The following BCL2 variants were observed in gnomAD, a reference collection of about 807,000 sequenced individuals.
The protein encoded by BCL2 is apoptosis regulator Bcl-2.
A neutral mutation model predicts 14.2 loss-of-function variants in BCL2; 1 was observed. The observed-to-expected ratio is 0.07, with a 90% CI of 0.02 to 0.33. BCL2 has a LOEUF of 0.33. Among genes scored for constraint, BCL2 ranks in the 10% least tolerant of loss-of-function variants. The pLI, the probability that BCL2 is intolerant of heterozygous loss-of-function variation, is 0.99. For missense variants in BCL2, 247 were observed against 305.9 expected (o/e 0.81, Z 1.44); for synonymous variants, 151 against 137.2 (o/e 1.10, Z -0.70).
chr18:63,219,929 C>A (rs1480406043), intron 2 of BCL2, among the ~76,000 whole-genome samples: 1 of 152,136 alleles, frequency 6.6e-6, no homozygotes, highest in African/African-American at 2.4e-5. Context: ...TCAAAATGCA[C>A]CCAAGAAAAG....
chr18:63,299,997 T>G (rs556182176), intron 2 of BCL2, among the ~76,000 whole-genome samples: 1 of 152,100 alleles, frequency 6.6e-6, no homozygotes, highest in African/African-American at 2.4e-5. Context: ...AGAAACCCAG[T>G]AGGCACAAAG....
At chr18:63,170,573 TG>T in intron 2 of BCL2, among the ~76,000 whole-genome samples, 1 of 152,134 alleles carries the variant, frequency 6.6e-6, no homozygotes, top group Non-Finnish European at 1.5e-5. Context: ...ACTAACACTG[TG>T]AGATGCAAGT....
chr18:63,229,647 G>A (rs905977633), intron 2 of BCL2, among the ~76,000 whole-genome samples: 2 of 152,280 alleles, frequency 1.3e-5, no homozygotes, highest in East Asian at 1.9e-4. Flanking sequence ...CTTCTGCTAC[G>A]AGTAAAAGCT....
intron 2 of BCL2, among the ~76,000 whole-genome samples, chr18:63,160,823 C>G (rs910888994): frequency 6.6e-6 from 1 of 152,014 alleles, no homozygotes; most frequent in Admixed American, 6.5e-5. Flanking sequence ...GGTAAGGGTA[C>G]CCCTGCTCCA....
intron 2 of BCL2, among the ~76,000 whole-genome samples, chr18:63,159,248 C>T (rs1288192338): frequency 6.6e-6 from 1 of 152,158 alleles, no homozygotes; most frequent in Non-Finnish European, 1.5e-5. Flanking sequence ...AGCAAACCTG[C>T]AGGAATTTCC....
At chr18:63,302,371 C>T in intron 2 of BCL2, 1 of 984,896 alleles carries the variant, frequency 1.0e-6, no homozygotes, top group Non-Finnish European at 1.2e-6. Flanking sequence ...TTCAGTTCAA[C>T]TAACACAGAG....
chr18:63,178,304 A>G (rs1210014622), intron 2 of BCL2, among the ~76,000 whole-genome samples: 1 of 152,174 alleles, frequency 6.6e-6, no homozygotes. Flanking sequence ...AAGGCTCGTA[A>G]CTGTTGTTTA....
At chr18:63,241,032 C>A (rs1910987141) in intron 2 of BCL2, among the ~76,000 whole-genome samples, 1 of 152,232 alleles carries the variant, frequency 6.6e-6, no homozygotes, top group Non-Finnish European at 1.5e-5. Context: ...TGGTCTCTAT[C>A]ATAATTACTC....
At chr18:63,250,542 G>A (rs2156192) in intron 2 of BCL2, among the ~76,000 whole-genome samples, 126,543 of 152,202 alleles carry the variant, frequency 0.83, 53,687 homozygotes, top group Non-Finnish European at 0.92. Context: ...ATACACAAAA[G>A]CATATACTAT....
chr18:63,315,267 T>A (rs1913460263), intron 2 of BCL2: 1 of 152,452 alleles, frequency 6.6e-6, no homozygotes, highest in Non-Finnish European at 1.5e-5. Flanking sequence ...TCTCTCTCAC[T>A]GCTTCCTCTG....
chr18:63,292,623 G>A lies in BCL2; in HGVS notation c.585+25459C>T, dbSNP rs116772125. Among the ~76,000 whole-genome samples, 1,015 of 152,286 alleles carry A rather than the reference G, an allele frequency of 6.7e-3. 10 individuals are homozygous for A. Among genetic ancestry groups the A allele is most frequent in the African/African-American group, 0.023 (952 of 41,558 alleles). On this transcript the variant is annotated intron_variant, in intron 2 of 2. Transcript: ENST00000333681. ...GCAAATGGACAGCAAATAAACCGTC[G>A]TTGAAGAAAGGCAATGAAAGAACCC... is the stretch of plus-strand genomic sequence containing the variant.
intron 2 of BCL2, among the ~76,000 whole-genome samples, chr18:63,294,113 T>C (rs1314038597): frequency 1.3e-5 from 2 of 152,168 alleles, no homozygotes; most frequent in Non-Finnish European, 2.9e-5. Flanking sequence ...TTTGGCTGCC[T>C]TGGTATGTAG....
chr18:63,251,162 G>A (rs2092181996), intron 2 of BCL2, among the ~76,000 whole-genome samples: 1 of 138,140 alleles, frequency 7.2e-6, no homozygotes, highest in African/African-American at 2.6e-5. Flanking sequence ...CTATGGAACG[G>A]AATAGGGGCT....
intron 2 of BCL2, among the ~76,000 whole-genome samples, chr18:63,311,639 C>G (rs759952517): frequency 1.3e-5 from 2 of 152,134 alleles, no homozygotes; most frequent in Non-Finnish European, 2.9e-5. Context: ...AAATGGAATA[C>G]GCTTCTATCC....
intron 2 of BCL2, among the ~76,000 whole-genome samples, chr18:63,139,170 A>C (rs1190009291): frequency 6.6e-6 from 1 of 152,224 alleles, no homozygotes; most frequent in Non-Finnish European, 1.5e-5. Flanking sequence ...CTAGCTATGC[A>C]AATACTGCAG....
At chr18:63,168,883 G>T (rs762989622) in intron 2 of BCL2, among the ~76,000 whole-genome samples, 8 of 152,194 alleles carry the variant, frequency 5.3e-5, no homozygotes, top group Non-Finnish European at 1.2e-4. Flanking sequence ...ATCCAAAGTG[G>T]GGAGCCATTC....
chr18:63,222,508 ACTAAAAG>A (rs759905095), intron 2 of BCL2, among the ~76,000 whole-genome samples: 1 of 152,156 alleles, frequency 6.6e-6, no homozygotes, highest in Non-Finnish European at 1.5e-5. Context: ...AGTGATAAAG[ACTAAAAG>A]CCATAAGGAG....
chr18:63,241,802 G>T (rs1911009802), intron 2 of BCL2, among the ~76,000 whole-genome samples: 1 of 152,228 alleles, frequency 6.6e-6, no homozygotes, highest in Admixed American at 6.5e-5. Context: ...ACCCTGGCCT[G>T]ATTTGAGAGT....
chr18:63,257,007 T>C (rs879598541), intron 2 of BCL2, among the ~76,000 whole-genome samples: 2 of 152,252 alleles, frequency 1.3e-5, no homozygotes, highest in African/African-American at 2.4e-5. Flanking sequence ...ATTTTTAAAA[T>C]TGTGTAACTT....
Sources: gnomAD v4.1 joint callset for allele counts (sites outside exome capture counted in the v4.1 genomes callset) on GRCh38, gnomAD v4.1.1 for gene constraint, MANE v1.5 for transcripts, NCBI Gene and HGNC (gene_info 2026-07-23, HGNC 2026-07-21) for gene names.